TMEM132A: variants seen among roughly 807,000 people sequenced by gnomAD.
TMEM132A encodes the protein GRP78-binding protein.
Under a neutral mutation model 69.9 loss-of-function variants are expected in TMEM132A, and 48 were observed. The observed-to-expected ratio is 0.69, with a 90% confidence interval of 0.55 to 0.87. The LOEUF is 0.87. TMEM132A is among the 40% of genes least tolerant of loss of function. TMEM132A has a pLI of 0.00. For synonymous variants in TMEM132A, 577 were observed against 613.7 expected (o/e 0.94, Z 0.88); for missense variants, 1,287 against 1,407.2 (o/e 0.91, Z 1.37).
rs758992751 is a variant in TMEM132A, at chr11:60,935,940, T to A, written c.2105T>A (p.Leu702Gln). 5.0e-6 allele frequency: 8 copies of A among 1,611,878 alleles called. No individual in the cohort carries two copies. The highest frequency in any genetic ancestry group is 6.8e-6 in the Non-Finnish European group (8 of 1,179,962). Reference sequence around the variant, plus strand: ...GCTGAGCTCTACGACCGCCGTGACCTGGGACTGTCCGTCTCAGCCGAGGAG... The same window carrying A: ...GCTGAGCTCTACGACCGCCGTGACCAGGGACTGTCCGTCTCAGCCGAGGAG... ...APAELYDRRD[L>Q]GLSVSAEEPG... The change falls in exon 11 of 11, where the codon CTG (leucine) becomes CAG (glutamine). Residue 702 changes from leucine (L) to glutamine (Q), a missense_variant. By Grantham distance (113) the Leu-to-Gln change is moderately radical. Transcript: ENST00000453848. This position sits in a 1 kb window ranked among gnomAD's most constrained non-coding sequence, Gnocchi z 5.0.
chr11:60,931,603 TG>T, intron 5 of TMEM132A, 85 bp from the exon 6 acceptor site: 1 of 1,342,590 alleles, frequency 7.4e-7, no homozygotes, highest in Non-Finnish European at 1.0e-6. Flanking sequence ...CTGTGTAAAA[TG>T]GGGATAATCA....
Position 60,931,930 on chromosome 11 carries a change from C to G in TMEM132A, c.1212+46C>G, listed in dbSNP as rs189592841. The stretch of plus-strand genomic sequence containing the variant: ...GCCTGGGAAGGCTGGAGGCCAAGTC[C>G]CAGGAGCCCCATGAGCTGAGGGGCC... On this transcript the variant is annotated intron_variant, in intron 6 of 10. Coordinates refer to ENST00000453848, the MANE Select transcript of TMEM132A (RefSeq NM_178031.3). 3 of 1,614,074 alleles carry G rather than the reference C, an allele frequency of 1.9e-6. No individual in the cohort carries two copies. In the South Asian group the frequency reaches 3.3e-5, roughly 18 times the overall value.
Position 60,927,386 on chromosome 11 carries a change from C to G in TMEM132A, c.283C>G (p.Arg95Gly). ...QPWPRAQPLL[R>G]ASYPPFATQQ... ...CTGGCCCAGGGCCCAGCCACTTCTC[C>G]GGGCCTCCTACCCACCTTTTGCCAC... is the stretch of plus-strand genomic sequence containing the variant. The change falls in exon 2 of 11, where the codon CGG becomes GGG. Residue 95 changes from arginine (R) to glycine (G), a missense_variant. Physicochemically the swap from Arg to Gly is moderately radical, Grantham distance 125. Transcript: ENST00000453848. 1 of 1,613,306 alleles carries G rather than the reference C, an allele frequency of 6.2e-7. No homozygotes were observed. The highest frequency in any genetic ancestry group is 8.5e-7 in the Non-Finnish European group (1 of 1,179,862).
In TMEM132A at chr11:60,936,720, G is replaced by C; in HGVS notation, c.2885G>C (p.Arg962Pro). 1 of 1,590,090 alleles carries C rather than the reference G, an allele frequency of 6.3e-7. No homozygotes were observed. The highest frequency in any genetic ancestry group is 1.1e-5 in the South Asian group (1 of 88,202). Residue 962 changes from arginine (R) to proline (P), a missense_variant, in exon 11 of 11, where the codon CGA becomes CCA. Physicochemically the swap from Arg to Pro is moderately radical, Grantham distance 103. Coordinates refer to ENST00000453848, the MANE Select transcript of TMEM132A (RefSeq NM_178031.3). ...AAGGAGGCTGGGGGGCGGCGGAAGC[G>C]AGTAGAGTTTGTGACATTTGCGCCA... ...ARKEAGGRRK[R>P]VEFVTFAPAP...
At chr11:60,931,092 A>G (rs990775795) in intron 5 of TMEM132A, among the ~76,000 whole-genome samples, 9 of 152,198 alleles carry the variant, frequency 5.9e-5, no homozygotes, top group African/African-American at 2.2e-4. Context: ...CAGTAGCCCC[A>G]GTTCGAATTC....
chr11:60,934,584 C>T lies in TMEM132A; in HGVS notation c.1656C>T (p.Ala552=). ...AGCGGGCCGGTGTGCGCTTCCTCGC[C>T]CCCTTCGCGGCCCACCCGCTGGACG... ...QYQRAGVRFL[A]PFAAHPLDGG... is the part of the protein sequence containing the mutation. Residue 552 remains alanine, a synonymous_variant, in exon 9 of 11, where the codon GCC becomes GCT. Coordinates refer to ENST00000453848, the MANE Select transcript of TMEM132A (RefSeq NM_178031.3). 5 of 1,558,152 alleles carry T rather than the reference C, an allele frequency of 3.2e-6. No homozygotes were observed. The Middle Eastern group carries it at 6.5e-4, about 204-fold the overall frequency.
intron 1 of TMEM132A, chr11:60,926,917 A>G (rs897909408): frequency 3.9e-6 from 2 of 507,070 alleles, no homozygotes; most frequent in Admixed American, 3.3e-5. Context: ...AGACATTGAG[A>G]AGGCTGTTGG....
rs1856381008 is a variant in TMEM132A at position 60,927,774 on chromosome 11, G to T, written c.449G>T (p.Trp150Leu). 3 of 1,613,056 alleles carry T rather than the reference G, an allele frequency of 1.9e-6. No individual in the cohort carries two copies. The East Asian group carries it at 6.7e-5, about 36-fold the overall frequency. ...RVLFHLKGQD[W>L]PPGSGSLPCA... ...CTCTTCCACCTCAAAGGGCAGGATT[G>T]GCCACCAGGGTCTGGCAGCCTGCCC... Residue 150 changes from tryptophan to leucine, a missense_variant, in exon 3 of 11, where the codon TGG (tryptophan) becomes TTG (leucine). Coordinates refer to ENST00000453848, the MANE Select transcript of TMEM132A (RefSeq NM_178031.3).
chr11:60,927,366 C>G lies in TMEM132A; in HGVS notation c.263C>G (p.Pro88Arg), dbSNP rs1407126377. 6 of 1,613,354 alleles carry G rather than the reference C, an allele frequency of 3.7e-6. No homozygotes were observed. Among genetic ancestry groups the G allele is most frequent in the South Asian group, 1.1e-5 (1 of 91,090 alleles). ...SETFLLLQPW[P>R]RAQPLLRASY... ...ACCTTTCTGCTCCTACAGCCCTGGC[C>G]CAGGGCCCAGCCACTTCTCCGGGCC... Residue 88 changes from proline to arginine, a missense_variant, in exon 2 of 11, where the codon CCC (proline) becomes CGC (arginine). Transcript: ENST00000453848.
At position 60,936,893 on chromosome 11, in the gene TMEM132A, C is replaced by T. The variant is rs1364819356; in HGVS notation, c.3058C>T (p.Arg1020Trp). ...EELRNYMERI[R>W]GSS is the part of the protein sequence containing the mutation. ...GCTTCGCAACTACATGGAGAGGATC[C>T]GGGGCAGCTCCTGACCCTCCACAGC... The change falls in exon 11 of 11, where the codon CGG becomes TGG. Residue 1020 changes from arginine to tryptophan, a missense_variant. Transcript: ENST00000453848. 3.9e-6 allele frequency: 6 copies of T among 1,550,178 alleles called. No individual in the cohort carries two copies. Among genetic ancestry groups the T allele is most frequent in the Admixed American group, 4.0e-5 (2 of 50,484 alleles).
At position 60,936,892 on chromosome 11, in the gene TMEM132A, C is replaced by G. The variant is rs1435482957; in HGVS notation, c.3057C>G (p.Ile1019Met). The G allele has an allele frequency of 6.4e-7, 1 of 1,554,124 alleles. No homozygotes were observed. The highest frequency in any genetic ancestry group is 8.7e-7 in the Non-Finnish European group (1 of 1,149,786). ...AGCTTCGCAACTACATGGAGAGGAT[C>G]CGGGGCAGCTCCTGACCCTCCACAG... is the stretch of plus-strand genomic sequence containing the variant. ...PEELRNYMER[I>M]RGSS The change falls in exon 11 of 11, where the codon ATC becomes ATG. Residue 1019 changes from isoleucine to methionine, a missense_variant. Ile to Met is a conservative substitution (Grantham distance 10, BLOSUM62 1). Coordinates refer to ENST00000453848, the MANE Select transcript of TMEM132A (RefSeq NM_178031.3).
Position 60,936,906 on chromosome 11 carries a change from G to T in TMEM132A, c.3071G>T (p.Ter1024LeuextTer33), listed in dbSNP as rs760284043. The part of the protein sequence containing the change: ...NYMERIRGSS[*>L] ...ATGGAGAGGATCCGGGGCAGCTCCT[G>T]ACCCTCCACAGCCACCTGGTCAGCC... Residue 1024 changes from the stop codon to leucine, a stop_lost, in exon 11 of 11, where the codon TGA (stop) becomes TTA (leucine). Coordinates refer to ENST00000453848, the MANE Select transcript of TMEM132A (RefSeq NM_178031.3). 6.5e-7 allele frequency: 1 copy of T among 1,532,142 alleles called. No homozygotes were observed. The highest frequency in any genetic ancestry group is 2.1e-5 in the Admixed American group (1 of 47,910). The allele number at this position is 1,532,142 out of a possible 1,614,324, so 94.9% of individuals were successfully genotyped here. A position where few individuals can be genotyped will look rare whatever the true frequency, so the allele number is the denominator to read the frequency against.
At chr11:60,929,927 G>A (rs1856439818) in intron 4 of TMEM132A, among the ~76,000 whole-genome samples, 1 of 152,114 alleles carries the variant, frequency 6.6e-6, no homozygotes, top group Admixed American at 6.5e-5. Context: ...GAAGGGAGCT[G>A]GATGGGCATG....
chr11:60,929,079 CACCA>C lies in TMEM132A; in HGVS notation c.866+121_866+124del. 11 of 986,826 alleles carry C rather than the reference CACCA, an allele frequency of 1.1e-5. No homozygotes were observed. In the South Asian group the frequency reaches 1.7e-4, roughly 15 times the overall value. The allele number at this position is 986,826 out of a possible 1,614,324, so 61.1% of individuals were successfully genotyped here. On this transcript the variant is annotated intron_variant, in intron 4 of 10. Transcript: ENST00000453848. The stretch of plus-strand genomic sequence containing the variant: ...CCTTGACCTCTGCAAAACATGTGTC[CACCA>C]AACTAAACTCCTTCCAGGTAAAAAG...
At position 60,936,538 on chromosome 11, in the gene TMEM132A, C is replaced by T. The variant is rs1856606946; in HGVS notation, c.2703C>T (p.Asp901=). The T allele has an allele frequency of 6.2e-7, 1 of 1,613,088 alleles. No homozygotes were observed. Among genetic ancestry groups the T allele is most frequent in the Non-Finnish European group, 8.5e-7 (1 of 1,179,660 alleles). The change falls in exon 11 of 11, where the codon GAC becomes GAT. Residue 901 remains aspartate, a synonymous_variant. Coordinates refer to ENST00000453848, the MANE Select transcript of TMEM132A (RefSeq NM_178031.3). ...ACAACTGGGTCTGGCTGGGCACTGA[C>T]CAGGAGGAACTGAGCCGCCAGCTGG... The part of the protein sequence containing the change: ...QPHNWVWLGT[D]QEELSRQLDR...
At chr11:60,929,355 C>T (rs1287636666) in intron 4 of TMEM132A, among the ~76,000 whole-genome samples, 1 of 152,244 alleles carries the variant, frequency 6.6e-6, no homozygotes, top group Non-Finnish European at 1.5e-5. Context: ...TCACGTTCAC[C>T]TACATGCTGT....
intron 4 of TMEM132A, among the ~76,000 whole-genome samples, chr11:60,929,357 A>C (rs747793203): frequency 6.6e-6 from 1 of 152,194 alleles, no homozygotes; most frequent in Non-Finnish European, 1.5e-5. Flanking sequence ...ACGTTCACCT[A>C]CATGCTGTCC....
chr11:60,928,504 G>C lies in TMEM132A; in HGVS notation c.535-125G>C, dbSNP rs374314423. ...GCTGTGTCACTCAGGCTGTGTCTCC[G>C]GCCCATGCTGGGCCTCCCTTTCATG... On this transcript the variant is annotated intron_variant, in intron 3 of 10. Transcript: ENST00000453848. The C allele has an allele frequency of 2.2e-5, 20 of 898,240 alleles. No homozygotes were observed. In the African/African-American group the frequency reaches 3.4e-4, roughly 15 times the overall value. The allele number at this position is 898,240 out of a possible 1,614,324, so 55.6% of individuals were successfully genotyped here.
At chr11:60,930,300 T>C (rs12285289) in intron 4 of TMEM132A, among the ~76,000 whole-genome samples, 9,955 of 152,074 alleles carry the variant, frequency 0.065, 632 homozygotes, top group African/African-American at 0.17. Flanking sequence ...TTATGGGCAG[T>C]GGGGAGGCGT....
Sources: gnomAD v4.1 joint callset for allele counts (sites outside exome capture counted in the v4.1 genomes callset) on GRCh38, gnomAD v4.1.1 for gene constraint, Gnocchi (gnomAD v3.1) non-coding constraint, MANE v1.5 for transcripts, NCBI Gene and HGNC (gene_info 2026-07-23, HGNC 2026-07-21) for gene names.